ITPK1: variants seen among roughly 807,000 people sequenced by gnomAD.
ITPK1 encodes the protein inositol 1,3,4-trisphosphate 5/6-kinase.
In ITPK1, 21 loss-of-function variants were observed where a neutral mutation model predicts 45.3. That is an observed-to-expected ratio of 0.46 (90% CI 0.33 to 0.67). The LOEUF is 0.67. Among genes scored for constraint, ITPK1 ranks in the 30% least tolerant of loss-of-function variants. The pLI is 0.02. For missense variants in ITPK1, 474 were observed against 573.5 expected, an observed-to-expected ratio of 0.83 and a Z score of 1.77; for synonymous variants, 258 against 253.6, an observed-to-expected ratio of 1.02 and a Z score of -0.16.
intron 3 of ITPK1, among the ~76,000 whole-genome samples, chr14:93,072,615 CTTTTT>C (rs111822420): frequency 7.2e-6 from 1 of 139,252 alleles, no homozygotes; most frequent in Non-Finnish European, 1.6e-5. Context: ...AAATATTATT[CTTTTT>C]TTTTTTTTTT....
At chr14:92,997,221 C>T (rs961567441) in intron 4 of ITPK1, among the ~76,000 whole-genome samples, 6 of 152,174 alleles carry the variant, frequency 3.9e-5, no homozygotes, top group Admixed American at 2.0e-4. Context: ...TTCCTCCCCT[C>T]GAAGTCCCAA....
chr14:93,023,358 A>G lies in ITPK1; in HGVS notation c.121-6557T>C, dbSNP rs565500674. Among the ~76,000 whole-genome samples the G allele has an allele frequency of 1.2e-4, 19 of 152,366 alleles. No homozygotes were observed. The South Asian group carries it at 3.9e-3, about 32-fold the overall frequency. On this transcript the variant is annotated intron_variant, in intron 3 of 10. Transcript: ENST00000267615. ...CAGAGCCCTCTCTCCCCTCTGGTGCAGGACCAGCAACCTTCCAGATGGGGC... is the reference window on the plus strand; with the variant it reads ...CAGAGCCCTCTCTCCCCTCTGGTGCGGGACCAGCAACCTTCCAGATGGGGC...
intron 3 of ITPK1, among the ~76,000 whole-genome samples, chr14:93,062,185 C>A (rs1334093456): frequency 6.6e-6 from 1 of 152,096 alleles, no homozygotes; most frequent in Non-Finnish European, 1.5e-5. Flanking sequence ...ACAGGAAAAT[C>A]GCTTGAACCT....
chr14:93,087,672 A>G (rs1469269671), intron 2 of ITPK1, among the ~76,000 whole-genome samples: 2 of 152,224 alleles, frequency 1.3e-5, no homozygotes, highest in Non-Finnish European at 1.5e-5. Flanking sequence ...CACAACCCCA[A>G]GGCTCCCACA....
chr14:92,961,326 T>C (rs976541027), intron 7 of ITPK1, among the ~76,000 whole-genome samples: 3 of 152,332 alleles, frequency 2.0e-5, no homozygotes, highest in African/African-American at 7.2e-5. Flanking sequence ...TCCACTCCTC[T>C]AGCCCCTGGA....
At chr14:93,086,740 C>T (rs1595202531) in intron 2 of ITPK1, among the ~76,000 whole-genome samples, 1 of 152,192 alleles carries the variant, frequency 6.6e-6, no homozygotes, top group Admixed American at 6.5e-5. Flanking sequence ...TGCCAGGGCA[C>T]GCTAGAGAAG....
intron 5 of ITPK1, among the ~76,000 whole-genome samples, chr14:92,964,078 C>T (rs947745840): frequency 1.3e-5 from 2 of 152,244 alleles, no homozygotes; most frequent in Non-Finnish European, 2.9e-5. Flanking sequence ...AAGAATTACA[C>T]AGGGCATATA....
Position 92,939,157 on chromosome 14 carries a change from C to T in ITPK1, c.*2404G>A, listed in dbSNP as rs1219717109. 1.5e-5 allele frequency: 2 copies of T among 133,912 alleles called. No individual in the cohort carries two copies. Among genetic ancestry groups the T allele is most frequent in the Non-Finnish European group, 3.4e-5 (2 of 59,664 alleles). 8.3% of individuals were successfully genotyped at this position (133,912 alleles called of 1,614,324 possible). On this transcript the variant is annotated 3_prime_UTR_variant, in exon 11 of 11. Coordinates refer to ENST00000267615, the MANE Select transcript of ITPK1 (RefSeq NM_014216.6). ...GCTAAGTGGGTCCCTTCCTTGGACC[C>T]AGACACTCTCAGTGACTCTGCTCAG...
chr14:92,999,774 G>C (rs1246258671), intron 4 of ITPK1, among the ~76,000 whole-genome samples: 2 of 152,210 alleles, frequency 1.3e-5, no homozygotes, highest in Non-Finnish European at 2.9e-5. Context: ...GCCTGATTGA[G>C]ATATCATTCA....
chr14:93,093,867 C>G (rs1211629523), intron 2 of ITPK1, among the ~76,000 whole-genome samples: 1 of 152,286 alleles, frequency 6.6e-6, no homozygotes, highest in Non-Finnish European at 1.5e-5. Flanking sequence ...CAACCTCACA[C>G]AACTGCTATG....
chr14:93,042,478 T>A (rs1346467113), intron 3 of ITPK1, among the ~76,000 whole-genome samples: 2 of 152,168 alleles, frequency 1.3e-5, no homozygotes, highest in Non-Finnish European at 2.9e-5. Flanking sequence ...GAGGCTGCGA[T>A]CTCTCTAGTT....
chr14:93,083,282 A>G (rs991995233), intron 2 of ITPK1, among the ~76,000 whole-genome samples: 1 of 151,986 alleles, frequency 6.6e-6, no homozygotes, highest in Non-Finnish European at 1.5e-5. Flanking sequence ...AGGGCACAAA[A>G]GGCTCAGGGA....
intron 5 of ITPK1, among the ~76,000 whole-genome samples, chr14:92,979,247 A>C (rs1021676133): frequency 1.3e-5 from 2 of 152,214 alleles, no homozygotes; most frequent in Admixed American, 6.5e-5. Flanking sequence ...TTAACCAATG[A>C]CTGTACCCTC....
At chr14:93,019,229 C>T (rs754777478) in intron 3 of ITPK1, among the ~76,000 whole-genome samples, 13 of 152,218 alleles carry the variant, frequency 8.5e-5, no homozygotes, top group Non-Finnish European at 1.8e-4. Context: ...CCCCCATGCC[C>T]ACCAGCACCC....
intron 5 of ITPK1, among the ~76,000 whole-genome samples, chr14:92,987,705 C>T (rs376125691): frequency 6.6e-6 from 1 of 152,178 alleles, no homozygotes; most frequent in Non-Finnish European, 1.5e-5. Context: ...GTTCCACACC[C>T]CCCATCTGTA....
intron 3 of ITPK1, among the ~76,000 whole-genome samples, chr14:93,055,326 A>G (rs80038652): frequency 0.036 from 5,455 of 152,188 alleles, 340 homozygotes; most frequent in African/African-American, 0.12. Context: ...GGTACATGCC[A>G]TGGAGGATTT....
intron 4 of ITPK1, among the ~76,000 whole-genome samples, chr14:93,000,510 G>A (rs1482418741): frequency 6.6e-6 from 1 of 152,168 alleles, no homozygotes; most frequent in Non-Finnish European, 1.5e-5. Flanking sequence ...ACTGGCTCAA[G>A]GTCAAACACA....
chr14:93,038,370 A>G (rs1889408210), intron 3 of ITPK1, among the ~76,000 whole-genome samples: 1 of 152,226 alleles, frequency 6.6e-6, no homozygotes, highest in South Asian at 2.1e-4. Context: ...TATCATTAAA[A>G]GGTAAATCAA....
Position 93,088,336 on chromosome 14 carries a change from G to GT in ITPK1, c.96-11718dup, listed in dbSNP as rs764902793. On this transcript the variant is annotated intron_variant, in intron 2 of 10. Coordinates refer to ENST00000267615, the MANE Select transcript of ITPK1 (RefSeq NM_014216.6). ...GTTGCATCTTTTCTTTTTTGGTTTTGTTTTGTTTTTTTTTTTTTTTTGAGA... is the reference window on the plus strand; with the variant it reads ...GTTGCATCTTTTCTTTTTTGGTTTTGTTTTTGTTTTTTTTTTTTTTTTGAGA... Among the ~76,000 whole-genome samples the GT allele has an allele frequency of 9.6e-4, 121 of 126,632 alleles. 6 individuals carry two copies. The highest frequency in any genetic ancestry group is 2.6e-3 in the African/African-American group (65 of 24,924). The allele number at this position is 126,632 out of a possible 152,430, so 83.1% of individuals were successfully genotyped here.
Sources: gnomAD v4.1 joint callset for allele counts (sites outside exome capture counted in the v4.1 genomes callset) on GRCh38, gnomAD v4.1.1 for gene constraint, MANE v1.5 for transcripts, NCBI Gene and HGNC (gene_info 2026-07-23, HGNC 2026-07-21) for gene names.